Variants in SLC22A23 observed in about 807,000 individuals in gnomAD.
SLC22A23 encodes the protein solute carrier family 22 member 23, also known as ion transporter protein.
A neutral mutation model predicts 61.0 loss-of-function variants in SLC22A23; 26 were observed. The ratio of observed to expected loss-of-function variants is 0.43; its 90% CI spans 0.31 to 0.59. SLC22A23 has a LOEUF of 0.59. Ranked by LOEUF, SLC22A23 falls within the 20% of genes least tolerant of loss-of-function variation. The pLI, the probability that SLC22A23 is intolerant of heterozygous loss-of-function variation, is 0.11. For synonymous variants in SLC22A23, 430 were observed against 413.9 expected, an observed-to-expected ratio of 1.04 and a Z score of -0.47; for missense variants, 796 against 934.7, an observed-to-expected ratio of 0.85 and a Z score of 1.94.
At chr6:3,350,558 C>T (rs9501993) in intron 3 of SLC22A23, among the ~76,000 whole-genome samples, 249 of 152,280 alleles carry the variant, frequency 1.6e-3, no homozygotes, top group African/African-American at 5.9e-3. Context: ...GGGCAGAGAC[C>T]GTATGGCCTG....
Position 3,370,978 on chromosome 6 carries a change from GAA to G in SLC22A23, c.913+39208_913+39209del, listed in dbSNP as rs1561932451. Among the ~76,000 whole-genome samples the G allele has an allele frequency of 2.6e-5, 4 of 152,144 alleles. 1 individual carries two copies. Among genetic ancestry groups the G allele is most frequent in the Admixed American group, 6.5e-5 (1 of 15,272 alleles). On this transcript the variant is annotated intron_variant, in intron 3 of 9. Transcript: ENST00000406686. The stretch of plus-strand genomic sequence containing the variant: ...CCACAACACGAAAATGAACTTACTT[GAA>G]AAAGAGTCTTGGAGAGCCTCTGCAC...
At chr6:3,426,457 C>CG (rs1159322751) in intron 1 of SLC22A23, among the ~76,000 whole-genome samples, 2 of 151,952 alleles carry the variant, frequency 1.3e-5, no homozygotes, top group East Asian at 3.9e-4. Flanking sequence ...GTACTACCTT[C>CG]ATTCTAGTCC....
chr6:3,403,985 T>C (rs538785212), intron 3 of SLC22A23, among the ~76,000 whole-genome samples: 52 of 152,340 alleles, frequency 3.4e-4, no homozygotes, highest in African/African-American at 1.2e-3. Flanking sequence ...TCAGATCTCC[T>C]GATTTTCAGA....
At chr6:3,445,087 A>C (rs1581903134) in intron 1 of SLC22A23, 1 of 519,080 alleles carries the variant, frequency 1.9e-6, no homozygotes, top group Non-Finnish European at 2.5e-6. Context: ...AAGGTCAGGC[A>C]GCACTGACCG....
chr6:3,391,277 T>C (rs1214106918), intron 3 of SLC22A23, among the ~76,000 whole-genome samples: 2 of 152,354 alleles, frequency 1.3e-5, no homozygotes, highest in South Asian at 2.1e-4. Flanking sequence ...CTGTAGGATG[T>C]GGGTTGAGCA....
chr6:3,271,176 A>G lies in SLC22A23; in HGVS notation c.*1879T>C, dbSNP rs1274686626. 1 of 152,396 alleles carries G rather than the reference A, an allele frequency of 6.6e-6. No individual in the cohort carries two copies. Among genetic ancestry groups the G allele is most frequent in the Non-Finnish European group, 1.5e-5 (1 of 68,058 alleles). 9.4% of individuals were successfully genotyped at this position (152,396 alleles called of 1,614,324 possible). ...CACAGATCTAAAGAAAGGCCTTTGT[A>G]AAGGTGAATGCAAACTAATGTTGAA... On this transcript the variant is annotated 3_prime_UTR_variant, in exon 10 of 10. Transcript: ENST00000406686.
intron 3 of SLC22A23, among the ~76,000 whole-genome samples, chr6:3,368,922 T>C (rs1446331181): frequency 6.6e-6 from 1 of 152,176 alleles, no homozygotes; most frequent in Non-Finnish European, 1.5e-5. Flanking sequence ...AATGACTATA[T>C]GGCAAGGAAG....
chr6:3,420,914 G>A (rs530533367), intron 1 of SLC22A23, among the ~76,000 whole-genome samples: 2 of 152,100 alleles, frequency 1.3e-5, no homozygotes, highest in South Asian at 2.1e-4. Flanking sequence ...AGACCAGCCC[G>A]GCCAATATGG....
At chr6:3,307,188 C>T (rs9392478) in intron 4 of SLC22A23, among the ~76,000 whole-genome samples, 56,027 of 152,040 alleles carry the variant, frequency 0.37, 10,683 homozygotes, top group East Asian at 0.59. Flanking sequence ...AAAACCTGCA[C>T]TCTCAGTGGC....
intron 4 of SLC22A23, among the ~76,000 whole-genome samples, chr6:3,302,318 C>T (rs555943135): frequency 1.1e-4 from 16 of 152,080 alleles, no homozygotes; most frequent in African/African-American, 3.4e-4. Flanking sequence ...TTTGGGTCTT[C>T]TCTGTCTTTT....
intron 3 of SLC22A23, among the ~76,000 whole-genome samples, chr6:3,347,519 C>T (rs1325058887): frequency 6.6e-6 from 1 of 151,920 alleles, no homozygotes; most frequent in African/African-American, 2.4e-5. Flanking sequence ...AGGCAGGGCC[C>T]AGCCATGCAA....
At chr6:3,415,909 C>A in intron 1 of SLC22A23, 54 bp from the exon 2 acceptor site, 1 of 1,341,110 alleles carries the variant, frequency 7.5e-7, no homozygotes, top group Non-Finnish European at 1.0e-6. Flanking sequence ...CAGAGCTAGT[C>A]GTACTCAATT....
At chr6:3,379,347 T>G (rs768003059) in intron 3 of SLC22A23, among the ~76,000 whole-genome samples, 8 of 152,196 alleles carry the variant, frequency 5.3e-5, no homozygotes, top group Non-Finnish European at 1.0e-4. Flanking sequence ...AATGACTATC[T>G]ATGAACTCAA....
chr6:3,277,327 C>T (rs1277769089), intron 9 of SLC22A23, among the ~76,000 whole-genome samples: 1 of 152,066 alleles, frequency 6.6e-6, no homozygotes, highest in Non-Finnish European at 1.5e-5. Context: ...CCAAGCTCTG[C>T]AAACACTGCC....
chr6:3,285,154 A>G, intron 7 of SLC22A23, 43 bp from the exon 8 acceptor site: 1 of 1,611,452 alleles, frequency 6.2e-7, no homozygotes, highest in Non-Finnish European at 8.5e-7. Context: ...ACAAGGGCCA[A>G]GCAAGCGAGA....
rs146158294 is a variant in SLC22A23 at position 3,373,261 on chromosome 6, T to C, written c.913+36927A>G. Among the ~76,000 whole-genome samples the C allele has an allele frequency of 4.5e-3, 686 of 152,320 alleles. 6 individuals carry two copies. Among genetic ancestry groups the C allele is most frequent in the African/African-American group, 0.016 (646 of 41,576 alleles). On this transcript the variant is annotated intron_variant, in intron 3 of 9. Coordinates refer to ENST00000406686, the MANE Select transcript of SLC22A23 (RefSeq NM_015482.2). ...CTGGACATGTGTTGTCACAATCCCATGTGGGGGAAGTCAGCACATCCTGTG... is the reference window on the plus strand; with the variant it reads ...CTGGACATGTGTTGTCACAATCCCACGTGGGGGAAGTCAGCACATCCTGTG...
intron 4 of SLC22A23, among the ~76,000 whole-genome samples, chr6:3,299,108 G>T (rs1021694624): frequency 1.4e-4 from 22 of 151,886 alleles, no homozygotes; most frequent in African/African-American, 4.4e-4. Context: ...CCATAAATAT[G>T]TACGATTACT....
chr6:3,362,657 C>G (rs1167522260), intron 3 of SLC22A23, among the ~76,000 whole-genome samples: 2 of 152,138 alleles, frequency 1.3e-5, no homozygotes, highest in East Asian at 3.9e-4. Flanking sequence ...GCAGAACCCC[C>G]AAGATGCCAT....
intron 3 of SLC22A23, among the ~76,000 whole-genome samples, chr6:3,367,336 T>C (rs533174867): frequency 6.6e-6 from 1 of 152,346 alleles, no homozygotes; most frequent in African/African-American, 2.4e-5. Context: ...TGGCCATCAT[T>C]GAAAACATCT....
Sources: gnomAD v4.1 joint callset for allele counts (sites outside exome capture counted in the v4.1 genomes callset) on GRCh38, gnomAD v4.1.1 for gene constraint, MANE v1.5 for transcripts, NCBI Gene and HGNC (gene_info 2026-07-23, HGNC 2026-07-21) for gene names.